Variants in TSPAN9 observed in about 807,000 individuals in gnomAD.
TSPAN9 encodes the protein tetraspanin-9.
A neutral mutation model predicts 31.0 loss-of-function variants in TSPAN9; 16 were observed. The ratio of observed to expected loss-of-function variants is 0.52; its 90% CI spans 0.35 to 0.78. The LOEUF (loss-of-function observed/expected upper bound fraction) is 0.78, where lower values mean the gene tolerates loss of function less well. Ranked by LOEUF, TSPAN9 falls within the 30% of genes least tolerant of loss-of-function variation. The pLI, the probability that TSPAN9 is intolerant of heterozygous loss-of-function variation, is 0.01. For missense variants in TSPAN9, 272 were observed against 312.5 expected (o/e 0.87, Z 0.98); for synonymous variants, 145 against 121.6 (o/e 1.19, Z -1.27).
At chr12:3,244,372 G>T (rs1389069663) in intron 3 of TSPAN9, among the ~76,000 whole-genome samples, 1 of 152,076 alleles carries the variant, frequency 6.6e-6, no homozygotes, top group Non-Finnish European at 1.5e-5. Context: ...TCGGGGTGAG[G>T]TGTGTGGAAG....
At chr12:3,259,134 G>T (rs1016921100) in intron 3 of TSPAN9, among the ~76,000 whole-genome samples, 1 of 152,192 alleles carries the variant, frequency 6.6e-6, no homozygotes, top group Non-Finnish European at 1.5e-5. Context: ...TGTATGTGAG[G>T]AATGAAGGCA....
chr12:3,269,763 C>G (rs909274155), intron 3 of TSPAN9, among the ~76,000 whole-genome samples: 1 of 152,228 alleles, frequency 6.6e-6, no homozygotes, highest in African/African-American at 2.4e-5. Flanking sequence ...GAGTCACAAG[C>G]GCTCCCTGTG....
chr12:3,220,072 GA>G (rs547966526), intron 3 of TSPAN9, among the ~76,000 whole-genome samples: 145 of 151,604 alleles, frequency 9.6e-4, no homozygotes, highest in African/African-American at 3.3e-3. Context: ...TTGAACCCGG[GA>G]GGCGGAAGTT....
intron 2 of TSPAN9, among the ~76,000 whole-genome samples, chr12:3,183,938 A>G (rs867622578): frequency 2.9e-4 from 44 of 152,220 alleles, no homozygotes; most frequent in African/African-American, 9.9e-4. Flanking sequence ...CCCTTTGAAC[A>G]GCATACATTT....
chr12:3,111,454 T>C (rs2098318627), intron 2 of TSPAN9, among the ~76,000 whole-genome samples: 1 of 152,174 alleles, frequency 6.6e-6, no homozygotes, highest in South Asian at 2.1e-4. Flanking sequence ...TTCTCATCTA[T>C]CTAAAAGAAA....
intron 3 of TSPAN9, among the ~76,000 whole-genome samples, chr12:3,272,303 A>G (rs1321372050): frequency 1.3e-5 from 2 of 152,138 alleles, no homozygotes; most frequent in Non-Finnish European, 2.9e-5. Flanking sequence ...CTGCTTTTTC[A>G]GGAGGATTTG....
chr12:3,241,867 G>A (rs1194538077), intron 3 of TSPAN9, among the ~76,000 whole-genome samples: 1 of 151,800 alleles, frequency 6.6e-6, no homozygotes, highest in African/African-American at 2.4e-5. Flanking sequence ...GATCAGTGGA[G>A]GGCAAAGTCC....
chr12:3,211,748 A>G, intron 3 of TSPAN9: 1 of 1,597,704 alleles, frequency 6.3e-7, no homozygotes, highest in Non-Finnish European at 8.5e-7. Flanking sequence ...GGAGCAGCCA[A>G]CACACAAAAC....
In TSPAN9 at chr12:3,187,445, G is replaced by A. The variant is rs1441461099; in HGVS notation, c.-17-13732G>A. Among the ~76,000 whole-genome samples, 1 of 152,148 alleles carries A rather than the reference G, an allele frequency of 6.6e-6. No individual in the cohort carries two copies. Among genetic ancestry groups the A allele is most frequent in the Admixed American group, 6.5e-5 (1 of 15,278 alleles). ...TGGCCAGCTTCGTCCATAAAAGCAG[G>A]GCCCAGCACTGGACCCAGGTAAGGC... On this transcript the variant is annotated intron_variant, in intron 2 of 8. Coordinates refer to ENST00000011898, the MANE Select transcript of TSPAN9 (RefSeq NM_006675.5). The surrounding 1 kb of genome is among the most constrained non-coding windows in gnomAD (Gnocchi z 5.2).
At chr12:3,099,207 G>T (rs2098310650) in intron 2 of TSPAN9, among the ~76,000 whole-genome samples, 1 of 151,878 alleles carries the variant, frequency 6.6e-6, no homozygotes, top group Non-Finnish European at 1.5e-5. Context: ...GGTTGCTGAT[G>T]TTATTTTTTC....
chr12:3,124,063 T>C (rs1222078457), intron 2 of TSPAN9, among the ~76,000 whole-genome samples: 1 of 152,148 alleles, frequency 6.6e-6, no homozygotes, highest in Non-Finnish European at 1.5e-5. Context: ...CAGGGTAGTT[T>C]GGAAGCACAT....
chr12:3,141,668 G>GC (rs1297803143), intron 2 of TSPAN9, among the ~76,000 whole-genome samples: 3 of 152,196 alleles, frequency 2.0e-5, no homozygotes, highest in African/African-American at 7.2e-5. Context: ...CCTAGATGGT[G>GC]GCACCCCAGA....
intron 2 of TSPAN9, among the ~76,000 whole-genome samples, chr12:3,141,027 A>G (rs1392802693): frequency 4.7e-5 from 7 of 148,656 alleles, no homozygotes; most frequent in Non-Finnish European, 8.9e-5. Context: ...GGGAGGGGGA[A>G]TTTTTGGGTT....
At chr12:3,136,635 C>G (rs1257430471) in intron 2 of TSPAN9, among the ~76,000 whole-genome samples, 1 of 152,122 alleles carries the variant, frequency 6.6e-6, no homozygotes, top group Non-Finnish European at 1.5e-5. Flanking sequence ...CCCTCAGATG[C>G]CTGAGGTCAG....
At chr12:3,190,724 A>G (rs2098363932) in intron 2 of TSPAN9, among the ~76,000 whole-genome samples, 1 of 152,232 alleles carries the variant, frequency 6.6e-6, no homozygotes, top group African/African-American at 2.4e-5. Context: ...CCTGTCCTGC[A>G]GGAGTGGCCA....
intron 3 of TSPAN9, among the ~76,000 whole-genome samples, chr12:3,222,464 C>G (rs187825846): frequency 3.0e-4 from 45 of 152,358 alleles, no homozygotes; most frequent in African/African-American, 1.1e-3. Flanking sequence ...GACCTTCTGT[C>G]TGCCAGGCTA....
chr12:3,092,924 C>T (rs1002261514), intron 2 of TSPAN9, among the ~76,000 whole-genome samples: 8 of 152,348 alleles, frequency 5.3e-5, no homozygotes, highest in Middle Eastern at 3.4e-3. Flanking sequence ...CCTGCCACCA[C>T]GCCCAGGGCT....
At chr12:3,249,392 C>G (rs567359790) in intron 3 of TSPAN9, among the ~76,000 whole-genome samples, 1 of 152,202 alleles carries the variant, frequency 6.6e-6, no homozygotes, top group Non-Finnish European at 1.5e-5. Flanking sequence ...ATCAATTACC[C>G]GTGCTCATTA....
chr12:3,282,868 C>T (rs1384622029), intron 8 of TSPAN9, among the ~76,000 whole-genome samples, 177 bp from the exon 9 acceptor site: 1 of 152,246 alleles, frequency 6.6e-6, no homozygotes, highest in East Asian at 1.9e-4. Flanking sequence ...TGTGTGTCTC[C>T]AGGGTGACCT....
Sources: allele counts gnomAD v4.1 joint callset (sites outside exome capture counted in the v4.1 genomes callset), GRCh38; gene constraint gnomAD v4.1.1; non-coding constraint Gnocchi (gnomAD v3.1); transcripts MANE v1.5; gene names NCBI Gene and HGNC (gene_info 2026-07-23, HGNC 2026-07-21).